The following MROH9 variants were observed in gnomAD, a reference collection of about 807,000 sequenced individuals.
MROH9 encodes the protein maestro heat-like repeat-containing protein family member 9.
In MROH9, 92 loss-of-function variants were observed where a neutral mutation model predicts 98.2. That is an observed-to-expected ratio of 0.94 (90% CI 0.79 to 1.11). The LOEUF (loss-of-function observed/expected upper bound fraction) is 1.11, where lower values mean the gene tolerates loss of function less well. MROH9 is among the 50% of genes most tolerant of loss of function. The pLI is 0.00. For missense variants in MROH9, 1,057 were observed against 1,014.8 expected (o/e 1.04, Z -0.57); for synonymous variants, 397 against 368.9 (o/e 1.08, Z -0.87).
intron 20 of MROH9, among the ~76,000 whole-genome samples, chr1:171,058,356 A>C (rs900735617): frequency 3.3e-5 from 5 of 152,138 alleles, no homozygotes; most frequent in Admixed American, 3.3e-4. Flanking sequence ...CAAAAAAAAA[A>C]AAAAAGGAAA....
At chr1:170,965,666 A>G (rs1157652071) in intron 7 of MROH9, among the ~76,000 whole-genome samples, 3 of 152,128 alleles carry the variant, frequency 2.0e-5, no homozygotes, top group Non-Finnish European at 1.5e-5. Context: ...ATTGTGAAAC[A>G]TGCTAGAGGT....
chr1:171,051,732 C>T lies in MROH9; in HGVS notation c.2282-10400C>T, dbSNP rs193084199. ...AAACCTGCACATCCTGCACATGTAT[C>T]CCAGAACTTAAAATCAAATTAAATT... On this transcript the variant is annotated intron_variant, in intron 20 of 21. Coordinates refer to ENST00000367759, the MANE Select transcript of MROH9 (RefSeq NM_001163629.2). Among the ~76,000 whole-genome samples, 3 of 152,224 alleles carry T rather than the reference C, an allele frequency of 2.0e-5. No homozygotes were observed. In the East Asian group the frequency reaches 5.8e-4, roughly 29 times the overall value.
rs1176778140 is a variant in MROH9 at position 170,970,725 on chromosome 1, T to A, written c.481-1023T>A. Among the ~76,000 whole-genome samples, 10 of 129,618 alleles carry A rather than the reference T, an allele frequency of 7.7e-5. No homozygotes were observed. In the East Asian group the frequency reaches 1.6e-3, roughly 20 times the overall value. The allele number at this position is 129,618 out of a possible 152,430, so 85.0% of individuals were successfully genotyped here. A position where few individuals can be genotyped will look rare whatever the true frequency, so the allele number is the denominator to read the frequency against. ...TTCTGTGTGTGTGTGTGTGTGTGTG[T>A]GTGTGTGAGAGAGAGAGAGAGAGAG... On this transcript the variant is annotated intron_variant, in intron 7 of 21. Transcript: ENST00000367759.
chr1:170,953,106 G>C (rs911037781), intron 3 of MROH9, among the ~76,000 whole-genome samples: 2 of 152,042 alleles, frequency 1.3e-5, no homozygotes, highest in African/African-American at 4.8e-5. Context: ...TATAGATTAA[G>C]TTATGAATAC....
rs1652672695 is a variant in MROH9, at chr1:171,025,362, C to T, written c.2223C>T (p.Thr741=). ...RNYITDLTSD[T]LRFLWSPRTY... ...ACATTACAGATTTGACATCTGATAC[C>T]TTACGATTCCTGTGGAGCCCCAGAA... Residue 741 remains threonine, a synonymous_variant, in exon 20 of 22, where the codon ACC becomes ACT. Coordinates refer to ENST00000367759, the MANE Select transcript of MROH9 (RefSeq NM_001163629.2). 6.5e-7 allele frequency: 1 copy of T among 1,550,370 alleles called. No individual in the cohort carries two copies. The highest frequency in any genetic ancestry group is 8.7e-7 in the Non-Finnish European group (1 of 1,146,024).
In MROH9 at chr1:170,947,602, G is replaced by A. The variant is rs16863851; in HGVS notation, c.72+29G>A. 5,588 of 1,574,702 alleles carry A rather than the reference G, an allele frequency of 3.5e-3. 166 individuals are homozygous for A. In the African/African-American group the frequency reaches 0.061, roughly 17 times the overall value. ...AGTGATATTCTATAAGGATATCAAC[G>A]TAACTGAATTCTCTTGGAAAAAATA... On this transcript the variant is annotated intron_variant, in intron 3 of 21. Transcript: ENST00000367759.
At chr1:170,973,140 C>A (rs879629725) in intron 8 of MROH9, among the ~76,000 whole-genome samples, 18 of 152,092 alleles carry the variant, frequency 1.2e-4, no homozygotes, top group African/African-American at 2.2e-4. Context: ...CACGCACGCA[C>A]AAACCCACAA....
intron 3 of MROH9, among the ~76,000 whole-genome samples, chr1:170,951,529 C>A (rs569429455): frequency 4.6e-5 from 7 of 152,030 alleles, no homozygotes; most frequent in Non-Finnish European, 8.8e-5. Flanking sequence ...TCAAATGGCT[C>A]ATTGGAAACA....
At chr1:171,063,252 ATT>A (rs11385110) in intron 21 of MROH9, among the ~76,000 whole-genome samples, 150 of 124,936 alleles carry the variant, frequency 1.2e-3, no homozygotes, top group African/African-American at 3.3e-3. Flanking sequence ...ATTATCCCGG[ATT>A]TTTTTTTTTT....
intron 20 of MROH9, among the ~76,000 whole-genome samples, chr1:171,052,876 C>T (rs1653714119): frequency 6.6e-6 from 1 of 152,096 alleles, no homozygotes; most frequent in Non-Finnish European, 1.5e-5. Flanking sequence ...GGAGGGAGCA[C>T]TGCCACACAA....
intron 17 of MROH9, among the ~76,000 whole-genome samples, chr1:171,016,737 T>C (rs1337580346): frequency 6.6e-6 from 1 of 152,160 alleles, no homozygotes; most frequent in East Asian, 1.9e-4. Context: ...ACATAAACAA[T>C]ATTAGGTTTA....
At chr1:170,986,014 A>T (rs1176260131) in intron 9 of MROH9, among the ~76,000 whole-genome samples, 1 of 152,088 alleles carries the variant, frequency 6.6e-6, no homozygotes, top group Non-Finnish European at 1.5e-5. Context: ...TTCTTTGAGG[A>T]ATCTATAATC....
chr1:170,937,765 C>A (rs529565960), intron 1 of MROH9, among the ~76,000 whole-genome samples: 1 of 152,018 alleles, frequency 6.6e-6, no homozygotes, highest in Admixed American at 6.6e-5. Context: ...CCTCGTGATC[C>A]GCCCGCCTCG....
intron 3 of MROH9, among the ~76,000 whole-genome samples, chr1:170,949,545 A>G (rs534035595): frequency 6.6e-6 from 1 of 152,238 alleles, no homozygotes; most frequent in East Asian, 1.9e-4. Context: ...TATAAGTAAT[A>G]ACAGACATCT....
intron 20 of MROH9, among the ~76,000 whole-genome samples, chr1:171,035,242 CA>C (rs1401981918): frequency 3.3e-5 from 5 of 150,456 alleles, no homozygotes; most frequent in African/African-American, 7.3e-5. Context: ...TAGAAAAAGA[CA>C]AAAAATCCAA....
chr1:171,053,109 C>T (rs967880842), intron 20 of MROH9, among the ~76,000 whole-genome samples: 3 of 152,174 alleles, frequency 2.0e-5, no homozygotes, highest in Admixed American at 1.3e-4. Context: ...TCTCCTTCTG[C>T]TCTAGTTCTG....
intron 7 of MROH9, among the ~76,000 whole-genome samples, chr1:170,971,045 A>G (rs1650438627): frequency 6.6e-6 from 1 of 152,142 alleles, no homozygotes; most frequent in Non-Finnish European, 1.5e-5. Context: ...AGGCCCTCAT[A>G]CTTTCATAAA....
intron 17 of MROH9, among the ~76,000 whole-genome samples, chr1:171,018,133 G>A (rs758236420): frequency 2.6e-5 from 4 of 152,098 alleles, no homozygotes; most frequent in Non-Finnish European, 5.9e-5. Context: ...ACCCTATACA[G>A]GAGTGAGCCC....
intron 9 of MROH9, among the ~76,000 whole-genome samples, chr1:170,985,560 T>C (rs2101801821): frequency 6.6e-6 from 1 of 152,348 alleles, no homozygotes; most frequent in Middle Eastern, 3.4e-3. Flanking sequence ...TAAGTTTCAC[T>C]GGGAATTGCT....
Sources: allele counts gnomAD v4.1 joint callset (sites outside exome capture counted in the v4.1 genomes callset), GRCh38; gene constraint gnomAD v4.1.1; transcripts MANE v1.5; gene names NCBI Gene and HGNC (gene_info 2026-07-23, HGNC 2026-07-21).